Variants in PITPNB observed in about 807,000 individuals in gnomAD.
PITPNB encodes the protein phosphatidylinositol transfer protein beta isoform.
In PITPNB, 16 loss-of-function variants were observed where a neutral mutation model predicts 45.9. The observed-to-expected ratio is 0.35, with a 90% CI of 0.24 to 0.53. PITPNB has a LOEUF of 0.53. Among genes scored for constraint, PITPNB ranks in the 20% least tolerant of loss-of-function variants. The pLI is 0.93. For missense variants in PITPNB, 188 were observed against 330.5 expected (o/e 0.57, Z 3.34); for synonymous variants, 112 against 108.9 (o/e 1.03, Z -0.18).
At chr22:27,917,072 A>G (rs911747305) in intron 1 of PITPNB, among the ~76,000 whole-genome samples, 6 of 152,234 alleles carry the variant, frequency 3.9e-5, no homozygotes, top group African/African-American at 1.4e-4. Flanking sequence ...AAAAAAATCT[A>G]GGGGAGATAC....
rs555553585 is a variant in PITPNB, at chr22:27,884,132, C to T, written c.457-10317G>A. Among the ~76,000 whole-genome samples, 11 of 139,554 alleles carry T rather than the reference C, an allele frequency of 7.9e-5. No individual in the cohort carries two copies. The South Asian group carries it at 2.5e-3, about 32-fold the overall frequency. 91.6% of individuals were successfully genotyped at this position (139,554 alleles called of 152,430 possible). On this transcript the variant is annotated intron_variant, in intron 7 of 11. Coordinates refer to ENST00000335272, the MANE Select transcript of PITPNB (RefSeq NM_012399.5). ...AACAGCAGCAACAACCCAGGGACCA[C>T]ACAGTGTAGGGAGGGAAGGCTGGCT...
intron 2 of PITPNB, among the ~76,000 whole-genome samples, chr22:27,911,585 A>G (rs1269291758): frequency 6.6e-6 from 1 of 152,232 alleles, no homozygotes; most frequent in Non-Finnish European, 1.5e-5. Flanking sequence ...GGAGGGATGT[A>G]AACTGTAATA....
intron 3 of PITPNB, among the ~76,000 whole-genome samples, chr22:27,909,458 G>GA (rs760955061): frequency 2.1e-4 from 32 of 151,796 alleles, no homozygotes; most frequent in Non-Finnish European, 3.5e-4. Context: ...AAACCAAAGA[G>GA]AAAAGAAACA....
intron 2 of PITPNB, among the ~76,000 whole-genome samples, chr22:27,913,266 C>A (rs1935985300): frequency 6.6e-6 from 1 of 152,148 alleles, no homozygotes; most frequent in African/African-American, 2.4e-5. Flanking sequence ...CTAAACAGTG[C>A]CAGACAGCTA....
chr22:27,893,107 G>A (rs1000722789), intron 7 of PITPNB, among the ~76,000 whole-genome samples: 2 of 152,164 alleles, frequency 1.3e-5, no homozygotes, highest in African/African-American at 2.4e-5. Context: ...GCTTGACCAC[G>A]ACAAAACAAA....
intron 5 of PITPNB, chr22:27,896,852 A>G (rs1935446790): frequency 2.3e-5 from 14 of 605,758 alleles, no homozygotes; most frequent in Non-Finnish European, 4.2e-5. Context: ...CACGTGGCAT[A>G]TCGGGCTAAT....
intron 7 of PITPNB, among the ~76,000 whole-genome samples, chr22:27,887,270 G>C (rs1433169827): frequency 1.3e-5 from 2 of 152,110 alleles, no homozygotes; most frequent in Admixed American, 1.3e-4. Flanking sequence ...GCTGCCCTTT[G>C]GTCATAAAAA....
At chr22:27,875,155 TA>T (rs1324312747) in intron 7 of PITPNB, among the ~76,000 whole-genome samples, 2 of 152,222 alleles carry the variant, frequency 1.3e-5, no homozygotes, top group Non-Finnish European at 2.9e-5. Flanking sequence ...TAAAGAAAGA[TA>T]AGTCTGTAAA....
chr22:27,909,021 T>TA (rs1439854910), intron 3 of PITPNB, among the ~76,000 whole-genome samples: 15 of 151,818 alleles, frequency 9.9e-5, no homozygotes, highest in Non-Finnish European at 7.4e-5. Flanking sequence ...TGAGGAAATA[T>TA]AAAAAAAATC....
At position 27,854,122 on chromosome 22, in the gene PITPNB, T is replaced by C. The variant is rs796597846; in HGVS notation, c.*39-459A>G. 6.8e-3 allele frequency among the ~76,000 whole-genome samples: 1,030 copies of C among 151,622 alleles called. 7 individuals carry two copies. Among genetic ancestry groups the C allele is most frequent in the African/African-American group, 0.023 (936 of 41,314 alleles). Reference sequence around the variant, plus strand: ...AAGAACCACAGTGGAGGGAGGGGAGTGCTACATCTCGTTCTCTTTATAATA... The same window carrying C: ...AAGAACCACAGTGGAGGGAGGGGAGCGCTACATCTCGTTCTCTTTATAATA... On this transcript the variant is annotated intron_variant, in intron 11 of 11. Transcript: ENST00000335272.
chr22:27,853,785 A>T, intron 11 of PITPNB, 122 bp from the exon 12 acceptor site: 1 of 693,952 alleles, frequency 1.4e-6, no homozygotes, highest in Non-Finnish European at 2.6e-6. Context: ...TACCCCAACT[A>T]CTGCATCTTA....
chr22:27,880,905 G>A lies in PITPNB; in HGVS notation c.457-7090C>T, dbSNP rs1030532702. ...CAAACTGCTGGGATTACAGGCGTGA[G>A]CCACTGCACCCAGTTAATAAAATTT... On this transcript the variant is annotated intron_variant, in intron 7 of 11. Transcript: ENST00000335272. Among the ~76,000 whole-genome samples the A allele has an allele frequency of 3.9e-5, 6 of 152,334 alleles. No individual in the cohort carries two copies. In the South Asian group the frequency reaches 8.3e-4, roughly 21 times the overall value.
At chr22:27,909,915 G>A (rs1427605634) in intron 3 of PITPNB, among the ~76,000 whole-genome samples, 2 of 151,100 alleles carry the variant, frequency 1.3e-5, no homozygotes, top group African/African-American at 4.9e-5. Context: ...AAGTAGCTGG[G>A]ACCATAAGCG....
chr22:27,880,808 G>A (rs1043048933), intron 7 of PITPNB, among the ~76,000 whole-genome samples: 5 of 152,152 alleles, frequency 3.3e-5, no homozygotes, highest in African/African-American at 1.2e-4. Flanking sequence ...TTTTAGTAGA[G>A]AGGGGGTTTC....
chr22:27,887,693 G>A (rs939553992), intron 7 of PITPNB, among the ~76,000 whole-genome samples: 1 of 152,018 alleles, frequency 6.6e-6, no homozygotes, highest in African/African-American at 2.4e-5. Context: ...TCCTTAAAGA[G>A]CAAGTTTTAG....
chr22:27,913,168 C>G (rs1282057551), intron 2 of PITPNB, among the ~76,000 whole-genome samples: 1 of 152,110 alleles, frequency 6.6e-6, no homozygotes, highest in Non-Finnish European at 1.5e-5. Context: ...ATCAATTGTG[C>G]AAATAGAGAA....
chr22:27,881,732 A>C (rs1220731214), intron 7 of PITPNB, among the ~76,000 whole-genome samples: 3 of 152,042 alleles, frequency 2.0e-5, no homozygotes, highest in Admixed American at 2.0e-4. Flanking sequence ...AAAACACAGG[A>C]GCTTCTTGAA....
intron 7 of PITPNB, among the ~76,000 whole-genome samples, chr22:27,874,814 T>C (rs1489223305): frequency 2.0e-5 from 3 of 152,228 alleles, no homozygotes; most frequent in Non-Finnish European, 4.4e-5. Context: ...GCAGACTTTC[T>C]GACTCTGGGG....
chr22:27,867,038 T>C (rs1239605742), intron 8 of PITPNB, among the ~76,000 whole-genome samples: 1 of 152,216 alleles, frequency 6.6e-6, no homozygotes, highest in Non-Finnish European at 1.5e-5. Context: ...AGTAGCCATT[T>C]GGACAGACCT....
Sources: allele counts gnomAD v4.1 joint callset (sites outside exome capture counted in the v4.1 genomes callset), GRCh38; gene constraint gnomAD v4.1.1; transcripts MANE v1.5; gene names NCBI Gene and HGNC (gene_info 2026-07-23, HGNC 2026-07-21).